Variants in AMPD3 observed in about 807,000 individuals in gnomAD.
AMPD3 encodes AMP deaminase 3.
AMPD3 carries 57 observed loss-of-function variants against 82.3 expected under a neutral mutation model. The ratio of observed to expected loss-of-function variants is 0.69; its 90% confidence interval spans 0.56 to 0.86. The LOEUF is 0.86. Ranked by LOEUF, AMPD3 falls within the 40% of genes least tolerant of loss-of-function variation. AMPD3 has a pLI of 0.00. For synonymous variants in AMPD3, 381 were observed against 394.7 expected (o/e 0.97, Z 0.41); for missense variants, 870 against 1,003.8 (o/e 0.87, Z 1.80).
At chr11:10,485,706 C>T (rs72857462) in intron 5 of AMPD3, among the ~76,000 whole-genome samples, 22,161 of 148,652 alleles carry the variant, frequency 0.15, 1,994 homozygotes, top group Non-Finnish European at 0.2. Context: ...GAAGACATTG[C>T]TTCAGGCCTT....
chr11:10,500,709 G>C (rs1472046928), intron 11 of AMPD3: 1 of 984,744 alleles, frequency 1.0e-6, no homozygotes, highest in Non-Finnish European at 1.2e-6. Context: ...CATGCGATAG[G>C]CATTGCCCTG....
intron 2 of AMPD3, among the ~76,000 whole-genome samples, chr11:10,467,919 G>A (rs576747819): frequency 6.6e-6 from 1 of 152,134 alleles, no homozygotes; most frequent in Non-Finnish European, 1.5e-5. Context: ...GCCAAACAAA[G>A]CTTCATAAGC....
chr11:10,459,287 G>GCTTT (rs2133816452), intron 1 of AMPD3, among the ~76,000 whole-genome samples: 1 of 152,230 alleles, frequency 6.6e-6, no homozygotes, highest in South Asian at 2.1e-4. Context: ...TTGCTAGCCT[G>GCTTT]CTTTCTTCCT....
rs180912663 is a variant in AMPD3 at position 10,494,893 on chromosome 11, C to T, written c.1135-6C>T. ...ATGCGTTGATTGGTGTGGTCTCCCC[C>T]CTCAGGGCCGGCAGACATTCCACCG... is the stretch of plus-strand genomic sequence containing the variant. On this transcript the variant is annotated splice_region_variant and splice_polypyrimidine_tract_variant and intron_variant, in intron 7 of 14. Coordinates refer to ENST00000396553, the MANE Select transcript of AMPD3 (RefSeq NM_001025389.2). 49 of 1,613,216 alleles carry T rather than the reference C, an allele frequency of 3.0e-5. No individual in the cohort carries two copies. The highest frequency in any genetic ancestry group is 6.7e-5 in the East Asian group (3 of 44,896).
chr11:10,451,960 T>C (rs1031396424), upstream of AMPD3, among the ~76,000 whole-genome samples: 1 of 152,156 alleles, frequency 6.6e-6, no homozygotes, highest in Non-Finnish European at 1.5e-5. Context: ...ACAGCAGGTC[T>C]GGGGTAGTTG....
Position 10,487,227 on chromosome 11 carries a change from A to G in AMPD3, c.810-8A>G, listed in dbSNP as rs763887678. On this transcript the variant is annotated splice_polypyrimidine_tract_variant and splice_region_variant and intron_variant, in intron 5 of 14. Coordinates refer to ENST00000396553, the MANE Select transcript of AMPD3 (RefSeq NM_001025389.2). The stretch of plus-strand genomic sequence containing the variant: ...CAACTATGGTCTCTCCCCATCTCCA[A>G]CTTGCAGGAAAACCTATTGTCACCG... The G allele has an allele frequency of 4.3e-6, 7 of 1,614,010 alleles. No homozygotes were observed. The South Asian group carries it at 5.5e-5, about 13-fold the overall frequency.
chr11:10,468,735 A>G (rs1186770378), intron 2 of AMPD3, among the ~76,000 whole-genome samples: 3 of 152,212 alleles, frequency 2.0e-5, no homozygotes, highest in Non-Finnish European at 4.4e-5. Context: ...TGACCACATA[A>G]TTGGAAGTAA....
intron 1 of AMPD3, chr11:10,460,860 G>A (rs1848249017): frequency 1.0e-6 from 1 of 983,854 alleles, no homozygotes; most frequent in African/African-American, 1.7e-5. Context: ...GCGAGGAGGT[G>A]GATAGAGAAA....
chr11:10,471,502 C>T (rs1442994394), intron 2 of AMPD3, among the ~76,000 whole-genome samples: 2 of 152,216 alleles, frequency 1.3e-5, no homozygotes, highest in Non-Finnish European at 2.9e-5. Context: ...AAACTACCAT[C>T]AGAGTGAATA....
At chr11:10,496,412 G>A (rs1220376828) in intron 9 of AMPD3, 8 of 985,286 alleles carry the variant, frequency 8.1e-6, no homozygotes, top group African/African-American at 3.5e-5. Flanking sequence ...CTCTCCAGGC[G>A]GCTGGCCAGG....
chr11:10,454,790 CCCT>C, upstream of AMPD3, among the ~76,000 whole-genome samples: 1 of 152,256 alleles, frequency 6.6e-6, no homozygotes, highest in East Asian at 1.9e-4. Flanking sequence ...AGTCATCTGC[CCCT>C]CCTCCTTCTG....
chr11:10,474,635 C>A (rs541090462), intron 2 of AMPD3, among the ~76,000 whole-genome samples: 1 of 152,238 alleles, frequency 6.6e-6, no homozygotes, highest in East Asian at 1.9e-4. Context: ...CTGATCAACT[C>A]TTTGTCTTGT....
chr11:10,460,417 T>C (rs1391279802), intron 1 of AMPD3, among the ~76,000 whole-genome samples: 1 of 151,148 alleles, frequency 6.6e-6, no homozygotes, highest in East Asian at 2.0e-4. Flanking sequence ...TACTTTTTTT[T>C]TTTTTTTGAG....
chr11:10,460,231 G>T (rs1162151998), intron 1 of AMPD3, among the ~76,000 whole-genome samples: 1 of 151,210 alleles, frequency 6.6e-6, no homozygotes, highest in African/African-American at 2.4e-5. Flanking sequence ...CCTAGCAGCT[G>T]GGATTACAGG....
Position 10,487,327 on chromosome 11 carries a change from A to C in AMPD3, c.902A>C (p.Lys301Thr), listed in dbSNP as rs200965115. 6.2e-7 allele frequency: 1 copy of C among 1,614,184 alleles called. No homozygotes were observed. The highest frequency in any genetic ancestry group is 1.1e-5 in the South Asian group (1 of 91,090). Reference protein sequence around the residue: ...LNEMSEFKELKSNPHRDFYNV... With the variant: ...LNEMSEFKELTSNPHRDFYNV... ...GAAATGTCCGAGTTCAAAGAGTTGA[A>C]GAGTAACCCCCACCGGGACTTCTAT... Residue 301 changes from lysine (K) to threonine (T), a missense_variant, in exon 6 of 15, where the codon AAG becomes ACG. Physicochemically the swap from Lys to Thr is moderately conservative, Grantham distance 78. Transcript: ENST00000396553.
chr11:10,504,688 C>G, intron 14 of AMPD3, 29 bp downstream of exon 14: 1 of 1,598,828 alleles, frequency 6.3e-7, no homozygotes, highest in Non-Finnish European at 8.6e-7. Flanking sequence ...CTGCCTGTGT[C>G]CCTCCTGGGA....
chr11:10,504,290 G>A, intron 13 of AMPD3: 1 of 915,912 alleles, frequency 1.1e-6, no homozygotes, highest in Non-Finnish European at 1.3e-6. Flanking sequence ...CTGATGACTG[G>A]CACAGGGTTT....
At chr11:10,473,285 TA>T in intron 2 of AMPD3, 1 of 766,904 alleles carries the variant, frequency 1.3e-6, no homozygotes, top group Non-Finnish European at 1.6e-6. Flanking sequence ...AAAGTAAAAA[TA>T]AAAATAAAGT....
chr11:10,486,413 C>T (rs1849071928), intron 5 of AMPD3, among the ~76,000 whole-genome samples: 1 of 152,142 alleles, frequency 6.6e-6, no homozygotes, highest in African/African-American at 2.4e-5. Context: ...GCTGTGGATG[C>T]AGGTGTGTGG....
Sources: gnomAD v4.1 joint callset for allele counts (sites outside exome capture counted in the v4.1 genomes callset) on GRCh38, gnomAD v4.1.1 for gene constraint, MANE v1.5 for transcripts, NCBI Gene and HGNC (gene_info 2026-07-23, HGNC 2026-07-21) for gene names.